HEATR3: variants seen among roughly 807,000 people sequenced by gnomAD.
HEATR3 encodes HEAT repeat-containing protein 3.
A neutral mutation model predicts 72.8 loss-of-function variants in HEATR3; 56 were observed. The observed-to-expected ratio is 0.77, with a 90% CI of 0.62 to 0.96. The LOEUF (loss-of-function observed/expected upper bound fraction) is 0.96. HEATR3 is among the 40% of genes least tolerant of loss of function. The pLI, the probability that HEATR3 is intolerant of heterozygous loss-of-function variation, is 0.00. For missense variants in HEATR3, 747 were observed against 831.4 expected (o/e 0.90, Z 1.25); for synonymous variants, 331 against 318.1 (o/e 1.04, Z -0.43).
chr16:50,068,648 G>A, intron 2 of HEATR3, 132 bp from the exon 3 acceptor site: 1 of 692,036 alleles, frequency 1.4e-6, no homozygotes, highest in Non-Finnish European at 2.6e-6. Context: ...TGGTTCTGCA[G>A]CGTATGACAG....
intron 7 of HEATR3, 69 bp downstream of exon 7, chr16:50,079,087 G>C: frequency 1.4e-6 from 2 of 1,470,518 alleles, no homozygotes; most frequent in South Asian, 2.7e-5. Flanking sequence ...GTTATCCTTG[G>C]CTTTGCAGAA....
chr16:50,100,594 G>A (rs976567016), intron 13 of HEATR3: 19 of 500,290 alleles, frequency 3.8e-5, no homozygotes, highest in South Asian at 2.8e-4. Context: ...ACAATTTAAC[G>A]TTATTCCAGA....
intron 11 of HEATR3, among the ~76,000 whole-genome samples, chr16:50,092,865 A>G (rs1395461820): frequency 1.3e-5 from 2 of 152,226 alleles, no homozygotes; most frequent in Non-Finnish European, 2.9e-5. Flanking sequence ...GCATTCTAGT[A>G]TAAATAAATG....
intron 12 of HEATR3, among the ~76,000 whole-genome samples, chr16:50,096,324 CAAAAAAA>C (rs59995532): frequency 3.5e-5 from 3 of 86,798 alleles, no homozygotes; most frequent in Admixed American, 1.4e-4. Flanking sequence ...GACTCCGTCT[CAAAAAAA>C]AAAAAAAAAA....
chr16:50,073,706 A>G (rs1450726870), intron 5 of HEATR3: 1 of 152,218 alleles, frequency 6.6e-6, no homozygotes, highest in Non-Finnish European at 1.5e-5. Flanking sequence ...AAGTTAGTTC[A>G]TATCTTTTAC....
Position 50,066,058 on chromosome 16 carries a change from T to C in HEATR3, c.-74T>C. 6.7e-7 allele frequency: 1 copy of C among 1,500,378 alleles called. No individual in the cohort carries two copies. Among genetic ancestry groups the C allele is most frequent in the African/African-American group, 1.4e-5 (1 of 69,778 alleles). The allele number at this position is 1,500,378 out of a possible 1,614,324, so 92.9% of individuals were successfully genotyped here. On this transcript the variant is annotated 5_prime_UTR_variant, in exon 1 of 15. Coordinates refer to ENST00000299192, the MANE Select transcript of HEATR3 (RefSeq NM_182922.4). The stretch of plus-strand genomic sequence containing the variant: ...GCTGAGCAGCAGCAACGGACCTTGT[T>C]AACGGCGCGGCAGCCTCCACCGCCT...
chr16:50,082,757 CA>C (rs60241022), intron 7 of HEATR3, among the ~76,000 whole-genome samples: 3,111 of 72,980 alleles, frequency 0.043, 37 homozygotes, highest in Middle Eastern at 0.048. Context: ...CCCCATCTCT[CA>C]AAAAAAAAAA....
intron 4 of HEATR3, among the ~76,000 whole-genome samples, chr16:50,071,114 G>A (rs759897558): frequency 2.6e-5 from 4 of 152,210 alleles, no homozygotes; most frequent in Non-Finnish European, 5.9e-5. Flanking sequence ...TAGCAGTGGT[G>A]AGGGTGGAGT....
At chr16:50,083,235 A>G (rs1227771057) in intron 7 of HEATR3, among the ~76,000 whole-genome samples, 1 of 152,220 alleles carries the variant, frequency 6.6e-6, no homozygotes, top group Non-Finnish European at 1.5e-5. Flanking sequence ...GAATATCAGT[A>G]TGGTTATTTC....
chr16:50,093,715 G>A (rs2037170775), intron 11 of HEATR3, among the ~76,000 whole-genome samples: 2 of 152,212 alleles, frequency 1.3e-5, no homozygotes, highest in South Asian at 4.1e-4. Flanking sequence ...GTGTCTGGCA[G>A]TTGGTGCAGG....
rs149520271 is a variant in HEATR3 at position 50,072,347 on chromosome 16, CCTT to C, written c.513-255_513-253del. On this transcript the variant is annotated intron_variant, in intron 4 of 14. Coordinates refer to ENST00000299192, the MANE Select transcript of HEATR3 (RefSeq NM_182922.4). ...TTTACAAGATCTCTTCCAGCTCTAA[CCTT>C]CTATAAGGAAACTGGCATCATGGCA... Among the ~76,000 whole-genome samples the C allele has an allele frequency of 2.9e-3, 441 of 152,254 alleles. 13 individuals are homozygous for C. In the East Asian group the frequency reaches 0.075, roughly 26 times the overall value.
At chr16:50,068,210 G>A (rs759263207) in intron 2 of HEATR3, among the ~76,000 whole-genome samples, 2 of 152,202 alleles carry the variant, frequency 1.3e-5, no homozygotes, top group African/African-American at 2.4e-5. Context: ...CTGTGTACTC[G>A]GAAGTCATGT....
intron 11 of HEATR3, among the ~76,000 whole-genome samples, chr16:50,088,551 A>G (rs1428302219): frequency 6.6e-6 from 1 of 152,226 alleles, no homozygotes; most frequent in Non-Finnish European, 1.5e-5. Context: ...GCAGCTCGTC[A>G]GTGTGAGCAG....
rs1269163143 is a variant in HEATR3 at position 50,105,475 on chromosome 16, A to AC, written c.*414_*415insC. ...AGACCCTGTCTCCAAAAAAAAAAAAAAAAAAAAACTTCAAAACCTGTCAGA... is the reference window on the plus strand; with the variant it reads ...AGACCCTGTCTCCAAAAAAAAAAAAACAAAAAAAACTTCAAAACCTGTCAGA... On this transcript the variant is annotated 3_prime_UTR_variant, in exon 15 of 15. Transcript: ENST00000299192. The AC allele has an allele frequency of 1.3e-5, 2 of 155,470 alleles. No homozygotes were observed. The highest frequency in any genetic ancestry group is 2.4e-5 in the African/African-American group (1 of 41,356). 9.6% of individuals were successfully genotyped at this position (155,470 alleles called of 1,614,324 possible). A position where few individuals can be genotyped will look rare whatever the true frequency, so the allele number is the denominator to read the frequency against.
chr16:50,089,599 A>G (rs2037064089), intron 11 of HEATR3, among the ~76,000 whole-genome samples: 1 of 152,168 alleles, frequency 6.6e-6, no homozygotes, highest in Non-Finnish European at 1.5e-5. Flanking sequence ...TTTATTTTGG[A>G]GTAACAGAAT....
chr16:50,088,924 C>CTGA (rs2037047674), intron 11 of HEATR3, among the ~76,000 whole-genome samples: 1 of 148,240 alleles, frequency 6.7e-6, no homozygotes, highest in South Asian at 2.2e-4. Flanking sequence ...CACTGAGAGT[C>CTGA]TGGTCCAGGT....
At chr16:50,067,542 G>T (rs890580212) in intron 2 of HEATR3, among the ~76,000 whole-genome samples, 1 of 152,210 alleles carries the variant, frequency 6.6e-6, no homozygotes, top group Non-Finnish European at 1.5e-5. Flanking sequence ...GCTGAGAAGA[G>T]CAGGGGTGGG....
chr16:50,089,585 G>A (rs117993965), intron 11 of HEATR3, among the ~76,000 whole-genome samples: 5,491 of 152,224 alleles, frequency 0.036, 219 homozygotes, highest in Admixed American at 0.13. Context: ...TAGTGTCATT[G>A]TTATTTATTT....
chr16:50,087,042 C>T (rs1284721476), intron 11 of HEATR3, among the ~76,000 whole-genome samples: 2 of 152,160 alleles, frequency 1.3e-5, no homozygotes, highest in African/African-American at 4.8e-5. Flanking sequence ...TATTAGAGGA[C>T]AGAAACTGGA....
Sources: allele counts gnomAD v4.1 joint callset (sites outside exome capture counted in the v4.1 genomes callset), GRCh38; gene constraint gnomAD v4.1.1; transcripts MANE v1.5; gene names NCBI Gene and HGNC (gene_info 2026-07-23, HGNC 2026-07-21).